LRRC4C: variants seen among roughly 807,000 people sequenced by gnomAD.
The protein encoded by LRRC4C is leucine-rich repeat-containing protein 4C.
A neutral mutation model predicts 33.6 loss-of-function variants in LRRC4C; 5 were observed. That is an observed-to-expected ratio of 0.15 (90% CI 0.08 to 0.31). The LOEUF (loss-of-function observed/expected upper bound fraction) is 0.31. LRRC4C is among the 10% of genes least tolerant of loss of function. The pLI, the probability that LRRC4C is intolerant of heterozygous loss-of-function variation, is 1.00. For missense variants in LRRC4C, 560 were observed against 796.7 expected (o/e 0.70, Z 3.58); for synonymous variants, 329 against 302.0 (o/e 1.09, Z -0.93).
chr11:41,016,072 G>GA (rs1242781304), intron 1 of LRRC4C, among the ~76,000 whole-genome samples: 3 of 149,920 alleles, frequency 2.0e-5, no homozygotes, highest in Non-Finnish European at 4.4e-5. Flanking sequence ...TATTTTCAAA[G>GA]AAAAAAAGGA....
chr11:40,575,661 A>C (rs943462953), intron 3 of LRRC4C, among the ~76,000 whole-genome samples: 2 of 152,202 alleles, frequency 1.3e-5, no homozygotes, highest in East Asian at 3.8e-4. Context: ...TACTTATAAA[A>C]TGAATAATTC....
intron 3 of LRRC4C, among the ~76,000 whole-genome samples, chr11:40,461,936 CA>C (rs1195696797): frequency 2.0e-5 from 3 of 151,372 alleles, no homozygotes. Context: ...GAAGAAAGGA[CA>C]GAGGGAGAGA....
chr11:41,194,927 G>A (rs1212535042), intron 1 of LRRC4C, among the ~76,000 whole-genome samples: 1 of 151,914 alleles, frequency 6.6e-6, no homozygotes, highest in Non-Finnish European at 1.5e-5. Context: ...ACTGATCCTA[G>A]TTCCTGCGGA....
rs75650426 is a variant in LRRC4C at position 40,962,767 on chromosome 11, C to A, written c.-495-29044G>T. On this transcript the variant is annotated intron_variant, in intron 1 of 6. Coordinates refer to ENST00000528697, the MANE Select transcript of LRRC4C (RefSeq NM_001258419.2). Reference sequence around the variant, plus strand: ...TCCCAAAAAAGAACAACTCACTCAGCTGAATTTTTAAAAGTTGCCATAAAC... The same window carrying A: ...TCCCAAAAAAGAACAACTCACTCAGATGAATTTTTAAAAGTTGCCATAAAC... 2.9e-3 allele frequency among the ~76,000 whole-genome samples: 435 copies of A among 151,716 alleles called. 6 individuals carry two copies. Among genetic ancestry groups the A allele is most frequent in the African/African-American group, 0.01 (417 of 41,458 alleles).
rs528241127 is a variant in LRRC4C, at chr11:41,150,188, A to G, written c.-495-216465T>C. Among the ~76,000 whole-genome samples the G allele has an allele frequency of 3.9e-5, 6 of 152,288 alleles. No homozygotes were observed. In the South Asian group the frequency reaches 1.2e-3, roughly 32 times the overall value. Reference sequence around the variant, plus strand: ...TCTTACGACTCAACCAGGAAAAATTAATCACTGTTCTCTCTTCCATTCTAT... The same window carrying G: ...TCTTACGACTCAACCAGGAAAAATTGATCACTGTTCTCTCTTCCATTCTAT... On this transcript the variant is annotated intron_variant, in intron 1 of 6. Transcript: ENST00000528697.
chr11:40,395,016 T>C (rs1365820579), intron 3 of LRRC4C, among the ~76,000 whole-genome samples: 3 of 152,080 alleles, frequency 2.0e-5, no homozygotes, highest in Admixed American at 6.6e-5. Flanking sequence ...AGTCTAATGA[T>C]AGAGACTGTG....
chr11:40,936,214 C>T (rs35755833), intron 1 of LRRC4C, among the ~76,000 whole-genome samples: 12,473 of 148,680 alleles, frequency 0.084, 704 homozygotes, highest in African/African-American at 0.15. Context: ...TTATTTTTCA[C>T]CATAGTAAGT....
chr11:40,394,621 T>C (rs988217032), intron 3 of LRRC4C, among the ~76,000 whole-genome samples: 1 of 152,158 alleles, frequency 6.6e-6, no homozygotes, highest in African/African-American at 2.4e-5. Context: ...TAGTTCCACA[T>C]GCCACCTCAA....
At chr11:40,144,428 A>C (rs1424759237) in intron 5 of LRRC4C, among the ~76,000 whole-genome samples, 1 of 152,198 alleles carries the variant, frequency 6.6e-6, no homozygotes, top group Non-Finnish European at 1.5e-5. Flanking sequence ...TTTAAGGCCA[A>C]ATGTGGTACT....
At chr11:40,894,949 T>C (rs969890633) in intron 2 of LRRC4C, among the ~76,000 whole-genome samples, 2 of 152,164 alleles carry the variant, frequency 1.3e-5, no homozygotes, top group African/African-American at 2.4e-5. Context: ...TGTAGCTATC[T>C]TTTCATCTTA....
At chr11:40,881,499 T>C (rs1362688484) in intron 2 of LRRC4C, among the ~76,000 whole-genome samples, 1 of 152,106 alleles carries the variant, frequency 6.6e-6, no homozygotes, top group African/African-American at 2.4e-5. Context: ...CTCCCAAGAA[T>C]AAAAGTAGGT....
At chr11:40,780,419 A>C (rs1398840759) in intron 2 of LRRC4C, among the ~76,000 whole-genome samples, 5 of 152,164 alleles carry the variant, frequency 3.3e-5, no homozygotes, top group African/African-American at 1.2e-4. Context: ...CTAATTTCTA[A>C]GATGACAAAG....
At chr11:41,309,584 C>A (rs930413490) in intron 1 of LRRC4C, among the ~76,000 whole-genome samples, 8 of 152,206 alleles carry the variant, frequency 5.3e-5, no homozygotes, top group African/African-American at 9.6e-5. Flanking sequence ...ACTGTCAAAT[C>A]TGAATTGAGG....
chr11:40,342,307 A>T (rs1946904330), intron 3 of LRRC4C, among the ~76,000 whole-genome samples: 1 of 152,108 alleles, frequency 6.6e-6, no homozygotes, highest in South Asian at 2.1e-4. Context: ...ATTTCTACTA[A>T]AAATACAAAA....
chr11:40,311,722 G>A (rs1174548785), intron 4 of LRRC4C, among the ~76,000 whole-genome samples: 4 of 152,116 alleles, frequency 2.6e-5, no homozygotes, highest in East Asian at 1.9e-4. Context: ...CGAGATGGGC[G>A]ATACACAAGG....
At chr11:40,762,074 T>C (rs924659452) in intron 2 of LRRC4C, among the ~76,000 whole-genome samples, 2 of 152,150 alleles carry the variant, frequency 1.3e-5, no homozygotes, top group African/African-American at 4.8e-5. Flanking sequence ...AAGGACATTT[T>C]CCAAGGGATT....
chr11:40,834,269 C>T (rs1301981352), intron 2 of LRRC4C, among the ~76,000 whole-genome samples: 1 of 151,916 alleles, frequency 6.6e-6, no homozygotes, highest in Admixed American at 6.6e-5. Flanking sequence ...GTCAGGAGTT[C>T]GAGACCAGCC....
chr11:40,586,817 C>T (rs2135700436), intron 3 of LRRC4C, among the ~76,000 whole-genome samples: 1 of 152,150 alleles, frequency 6.6e-6, no homozygotes, highest in Non-Finnish European at 1.5e-5. Context: ...GGGCTCTGTT[C>T]TGTTCCATTG....
intron 5 of LRRC4C, among the ~76,000 whole-genome samples, chr11:40,197,637 C>G (rs1862370971): frequency 6.6e-6 from 1 of 152,164 alleles, no homozygotes; most frequent in Non-Finnish European, 1.5e-5. Flanking sequence ...TTCTAGAACT[C>G]CATCATTCCC....
Sources: allele counts gnomAD v4.1 joint callset (sites outside exome capture counted in the v4.1 genomes callset), GRCh38; gene constraint gnomAD v4.1.1; transcripts MANE v1.5; gene names NCBI Gene and HGNC (gene_info 2026-07-23, HGNC 2026-07-21).